Variants in NDUFA9 observed in about 807,000 individuals in gnomAD.
NDUFA9 encodes NADH dehydrogenase [ubiquinone] 1 alpha subcomplex subunit 9, mitochondrial.
In NDUFA9, 23 loss-of-function variants were observed where a neutral mutation model predicts 45.9. The ratio of observed to expected loss-of-function variants is 0.50; its 90% CI spans 0.36 to 0.71. The LOEUF is 0.71. Ranked by LOEUF, NDUFA9 falls within the 30% of genes least tolerant of loss-of-function variation. The pLI, the probability that NDUFA9 is intolerant of heterozygous loss-of-function variation, is 0.00. For synonymous variants in NDUFA9, 176 were observed against 170.5 expected (o/e 1.03, Z -0.25); for missense variants, 466 against 488.2 (o/e 0.95, Z 0.43).
Position 4,687,251 on chromosome 12 carries a change from C to A in NDUFA9, c.*143C>A. On this transcript the variant is annotated 3_prime_UTR_variant, in exon 11 of 11. Transcript: ENST00000266544. ...AGGTTGAATTCTGCAGTATTTTCTTCCTTGATTTACAAAATGAGAAATGTA... is the reference window on the plus strand; with the variant it reads ...AGGTTGAATTCTGCAGTATTTTCTTACTTGATTTACAAAATGAGAAATGTA... The A allele has an allele frequency of 5.4e-6, 4 of 736,406 alleles. No homozygotes were observed. The highest frequency in any genetic ancestry group is 8.2e-6 in the Non-Finnish European group (4 of 485,858). 45.6% of individuals were successfully genotyped at this position (736,406 alleles called of 1,614,324 possible). A position where few individuals can be genotyped will look rare whatever the true frequency, so the allele number is the denominator to read the frequency against.
At chr12:4,671,244 T>C (rs1057514319) in intron 8 of NDUFA9, among the ~76,000 whole-genome samples, 4 of 152,170 alleles carry the variant, frequency 2.6e-5, no homozygotes, top group African/African-American at 9.7e-5. Context: ...AAATACCTAT[T>C]GATACACACT....
chr12:4,653,633 T>G (rs1416780253), intron 1 of NDUFA9: 1 of 453,322 alleles, frequency 2.2e-6, no homozygotes, highest in East Asian at 7.0e-5. Flanking sequence ...TCTCAAGCAC[T>G]TCACTCCTTT....
At chr12:4,683,192 AAAG>A (rs943684214) in intron 9 of NDUFA9, among the ~76,000 whole-genome samples, 5 of 151,440 alleles carry the variant, frequency 3.3e-5, no homozygotes, top group South Asian at 2.1e-4. Flanking sequence ...AAAAAAAAAA[AAAG>A]AAAGAAAAGA....
chr12:4,654,234 G>C lies in NDUFA9; in HGVS notation c.50-58G>C, dbSNP rs2302246. 391,447 of 1,493,716 alleles carry C rather than the reference G, an allele frequency of 0.26. 52,778 individuals are homozygous for C. The highest frequency in any genetic ancestry group is 0.37 in the Middle Eastern group (2,095 of 5,612). The allele number at this position is 1,493,716 out of a possible 1,614,324, so 92.5% of individuals were successfully genotyped here. ...TTTAGAGAAAGGAGCTATTTGTGTT[G>C]ACAGTTTTAAAAATATTAATATTTG... On this transcript the variant is annotated intron_variant, in intron 1 of 10. Transcript: ENST00000266544.
chr12:4,668,582 G>C (rs1335743663), intron 7 of NDUFA9, 58 bp downstream of exon 7: 2 of 1,454,026 alleles, frequency 1.4e-6, no homozygotes, highest in Non-Finnish European at 1.9e-6. Context: ...AGATTTGAGT[G>C]ATCAAGTTTC....
chr12:4,675,121 G>A (rs1945911047), intron 8 of NDUFA9, among the ~76,000 whole-genome samples: 1 of 152,126 alleles, frequency 6.6e-6, no homozygotes. Flanking sequence ...AAACCGATGA[G>A]AACAAAGACA....
intron 3 of NDUFA9, 197 bp downstream of exon 3, chr12:4,655,119 T>G: frequency 1.9e-6 from 1 of 530,926 alleles, no homozygotes; most frequent in African/African-American, 1.9e-5. Flanking sequence ...TTGGCAAACT[T>G]TTTCTTTGAA....
chr12:4,663,592 C>T (rs1205121739), intron 6 of NDUFA9, among the ~76,000 whole-genome samples: 3 of 152,164 alleles, frequency 2.0e-5, no homozygotes, highest in Admixed American at 6.5e-5. Flanking sequence ...TGTCTACAAG[C>T]CAGGAAGAGA....
chr12:4,662,505 A>C (rs1945828668), intron 5 of NDUFA9, 28 bp from the exon 6 acceptor site: 1 of 1,569,120 alleles, frequency 6.4e-7, no homozygotes, highest in Admixed American at 1.7e-5. Context: ...CTCTAAACTC[A>C]AAACAGGTTT....
intron 6 of NDUFA9, among the ~76,000 whole-genome samples, chr12:4,665,590 G>A (rs899893932): frequency 2.6e-5 from 4 of 152,154 alleles, no homozygotes; most frequent in African/African-American, 7.2e-5. Flanking sequence ...TGTATGTACT[G>A]AGAAGTGGAA....
Position 4,659,042 on chromosome 12 carries a change from T to C in NDUFA9, c.417T>C (p.Phe139=), listed in dbSNP as rs758938491. The C allele has an allele frequency of 6.2e-7, 1 of 1,612,576 alleles. No homozygotes were observed. The highest frequency in any genetic ancestry group is 1.1e-5 in the South Asian group (1 of 90,930). Residue 139 remains phenylalanine (F), a synonymous_variant, in exon 5 of 11, where the codon TTT becomes TTC. Transcript: ENST00000266544. Reference sequence around the variant, plus strand: ...TTTATTTTTTATCTTCCAGAAACTTTGATTTTGAGGATGTTTTTGTGAAGA... The same window carrying C: ...TTTATTTTTTATCTTCCAGAAACTTCGATTTTGAGGATGTTTTTGTGAAGA... ...LIGRDWETKN[F]DFEDVFVKIP... is the part of the protein sequence containing the mutation.
At position 4,688,002 on chromosome 12, in the gene NDUFA9, G is replaced by A. The variant is rs957970319; in HGVS notation, c.*894G>A. 1.3e-5 allele frequency: 2 copies of A among 152,222 alleles called. No homozygotes were observed. Among genetic ancestry groups the A allele is most frequent in the African/African-American group, 2.4e-5 (1 of 41,450 alleles). 9.4% of individuals were successfully genotyped at this position (152,222 alleles called of 1,614,324 possible). ...TTGGGACAGGGATGTCAGTAAAAAC[G>A]CTGTTTGATGAGGGAATGCCCGTCT... On this transcript the variant is annotated 3_prime_UTR_variant, in exon 11 of 11. Coordinates refer to ENST00000266544, the MANE Select transcript of NDUFA9 (RefSeq NM_005002.5).
At chr12:4,678,574 G>A (rs574351219) in intron 8 of NDUFA9, among the ~76,000 whole-genome samples, 62 of 152,230 alleles carry the variant, frequency 4.1e-4, no homozygotes, top group Non-Finnish European at 7.6e-4. Flanking sequence ...CTACTATCTA[G>A]AATATACAAA....
chr12:4,654,469 A>G lies in NDUFA9; in HGVS notation c.220+7A>G. 6.2e-7 allele frequency: 1 copy of G among 1,613,806 alleles called. No individual in the cohort carries two copies. The highest frequency in any genetic ancestry group is 8.5e-7 in the Non-Finnish European group (1 of 1,179,748). Reference sequence around the variant, plus strand: ...TATGTTGTCAACCACCTTGGTAAGTAAAGTTCCTTAAGTTCATATGCTCCA... The same window carrying G: ...TATGTTGTCAACCACCTTGGTAAGTGAAGTTCCTTAAGTTCATATGCTCCA... On this transcript the variant is annotated splice_region_variant and intron_variant, in intron 2 of 10. Transcript: ENST00000266544.
At chr12:4,679,731 C>T (rs1383907870) in intron 8 of NDUFA9, among the ~76,000 whole-genome samples, 4 of 152,104 alleles carry the variant, frequency 2.6e-5, no homozygotes, top group Non-Finnish European at 5.9e-5. Context: ...GGAGAAGTTT[C>T]CCTGTAAAAG....
chr12:4,669,451 A>C (rs1177105143), intron 7 of NDUFA9, among the ~76,000 whole-genome samples: 1 of 152,202 alleles, frequency 6.6e-6, no homozygotes, highest in East Asian at 1.9e-4. Context: ...GTGCATTCCT[A>C]CTACAGAAAA....
At chr12:4,652,871 T>G (rs557225436) in intron 1 of NDUFA9, among the ~76,000 whole-genome samples, 3 of 152,390 alleles carry the variant, frequency 2.0e-5, no homozygotes, top group East Asian at 3.8e-4. Flanking sequence ...TCACTATCAG[T>G]GAGCTAGGCT....
chr12:4,654,755 C>G, intron 2 of NDUFA9, 70 bp from the exon 3 acceptor site: 3 of 1,215,686 alleles, frequency 2.5e-6, no homozygotes, highest in Non-Finnish European at 3.5e-6. Context: ...AAATATTTAC[C>G]AAGTCACAAT....
intron 9 of NDUFA9, among the ~76,000 whole-genome samples, chr12:4,684,080 G>A (rs563930908): frequency 6.6e-6 from 1 of 152,306 alleles, no homozygotes; most frequent in African/African-American, 2.4e-5. Flanking sequence ...GAGGACACTA[G>A]AATAGAGACC....
Sources: gnomAD v4.1 joint callset for allele counts (sites outside exome capture counted in the v4.1 genomes callset) on GRCh38, gnomAD v4.1.1 for gene constraint, MANE v1.5 for transcripts, NCBI Gene and HGNC (gene_info 2026-07-23, HGNC 2026-07-21) for gene names.